PARD3B: variants seen among roughly 807,000 people sequenced by gnomAD.
PARD3B encodes the protein partitioning defective 3 homolog B.
PARD3B carries 103 observed loss-of-function variants against 130.2 expected under a neutral mutation model. That is an observed-to-expected ratio of 0.79 (90% CI 0.67 to 0.93). The LOEUF (loss-of-function observed/expected upper bound fraction) is 0.93. Among genes scored for constraint, PARD3B ranks in the 40% least tolerant of loss-of-function variants. The probability of loss-of-function intolerance (pLI) is 0.00; values close to 1 mark genes in which losing one functional copy is unlikely to be tolerated. For missense variants in PARD3B, 1,609 were observed against 1,499.2 expected, an observed-to-expected ratio of 1.07 and a Z score of -1.21; for synonymous variants, 583 against 553.2, an observed-to-expected ratio of 1.05 and a Z score of -0.76.
At chr2:204,947,217 G>A (rs890953540) in intron 2 of PARD3B, among the ~76,000 whole-genome samples, 1 of 152,140 alleles carries the variant, frequency 6.6e-6, no homozygotes, top group African/African-American at 2.4e-5. Context: ...ATGCCAAACA[G>A]TTGACTTAAG....
At chr2:205,459,511 T>A (rs193302499) in intron 20 of PARD3B, among the ~76,000 whole-genome samples, 6 of 152,290 alleles carry the variant, frequency 3.9e-5, no homozygotes, top group Admixed American at 3.9e-4. Context: ...TGGTACATGA[T>A]AGACACTTTT....
In PARD3B at chr2:205,015,224, A is replaced by G. The variant is rs746427063; in HGVS notation, c.395-32357A>G. ...AGCTAGAGGAAAGAAAAAATTATCAAGGAAATCATAAGGAAGACAAAATAT... is the reference window on the plus strand; with the variant it reads ...AGCTAGAGGAAAGAAAAAATTATCAGGGAAATCATAAGGAAGACAAAATAT... On this transcript the variant is annotated intron_variant, in intron 3 of 22. Transcript: ENST00000406610. This position sits in a 1 kb window ranked among gnomAD's most constrained non-coding sequence, Gnocchi z 4.5. Among the ~76,000 whole-genome samples the G allele has an allele frequency of 2.1e-4, 32 of 152,312 alleles. No homozygotes were observed. Among genetic ancestry groups the G allele is most frequent in the African/African-American group, 7.5e-4 (31 of 41,580 alleles).
Position 205,615,511 on chromosome 2 carries a change from A to C in PARD3B, c.3316A>C (p.Lys1106Gln). The change falls in exon 23 of 23, where the codon AAG becomes CAG. Residue 1106 changes from lysine (K) to glutamine (Q), a missense_variant. By Grantham distance (53) the Lys-to-Gln change is moderately conservative. Transcript: ENST00000406610. ...GCCAGCAGCACCTCGGGGGCTCTAC[A>C]AGGAAAGGGAGCTTCCCTATTATCC... Reference protein sequence around the residue: ...YLPAAPRGLYKERELPYYPGA... With the variant: ...YLPAAPRGLYQERELPYYPGA... 2 of 1,613,674 alleles carry C rather than the reference A, an allele frequency of 1.2e-6. No individual in the cohort carries two copies. Among genetic ancestry groups the C allele is most frequent in the Non-Finnish European group, 1.7e-6 (2 of 1,179,772 alleles).
intron 19 of PARD3B, among the ~76,000 whole-genome samples, chr2:205,437,500 A>G (rs2047558327): frequency 6.6e-6 from 1 of 152,190 alleles, no homozygotes; most frequent in South Asian, 2.1e-4. Flanking sequence ...GTGTTGTCCA[A>G]TATAGTAGTT....
At chr2:205,346,564 G>A (rs1574765554) in intron 18 of PARD3B, among the ~76,000 whole-genome samples, 1 of 152,268 alleles carries the variant, frequency 6.6e-6, no homozygotes, top group East Asian at 1.9e-4. Context: ...TGGGATTTAA[G>A]TTTTCTACCT....
At chr2:204,793,251 T>C (rs1334069910) in intron 2 of PARD3B, among the ~76,000 whole-genome samples, 1 of 152,204 alleles carries the variant, frequency 6.6e-6, no homozygotes, top group Non-Finnish European at 1.5e-5. Flanking sequence ...TAGAGGACTA[T>C]TTCCCAGTCC....
At chr2:204,884,682 C>G (rs534359183) in intron 2 of PARD3B, among the ~76,000 whole-genome samples, 1 of 152,170 alleles carries the variant, frequency 6.6e-6, no homozygotes, top group Non-Finnish European at 1.5e-5. Context: ...TCATTCAGCT[C>G]CCACTTGTAA....
At chr2:205,282,031 C>A (rs1045679447) in intron 16 of PARD3B, among the ~76,000 whole-genome samples, 1 of 151,978 alleles carries the variant, frequency 6.6e-6, no homozygotes, top group African/African-American at 2.4e-5. Context: ...TTTTTCAACA[C>A]TAGCCCTCTT....
intron 22 of PARD3B, among the ~76,000 whole-genome samples, chr2:205,597,731 A>G (rs1213696532): frequency 2.0e-5 from 3 of 152,160 alleles, no homozygotes; most frequent in African/African-American, 7.2e-5. Context: ...GTGTGAGTTA[A>G]GGGACAGGTC....
intron 2 of PARD3B, among the ~76,000 whole-genome samples, chr2:204,944,641 ATGT>A (rs1324604882): frequency 6.6e-6 from 1 of 152,242 alleles, no homozygotes; most frequent in Non-Finnish European, 1.5e-5. Flanking sequence ...ATTTAATCCA[ATGT>A]TGATATTTTA....
intron 2 of PARD3B, among the ~76,000 whole-genome samples, chr2:204,803,300 A>G (rs1391158915): frequency 6.6e-6 from 1 of 151,794 alleles, no homozygotes; most frequent in Non-Finnish European, 1.5e-5. Flanking sequence ...GTTTTTCAAT[A>G]TGAAATTAAA....
At position 204,661,251 on chromosome 2, in the gene PARD3B, C is replaced by T. The variant is rs191354869; in HGVS notation, c.121-24930C>T. Among the ~76,000 whole-genome samples, 6 of 152,294 alleles carry T rather than the reference C, an allele frequency of 3.9e-5. No homozygotes were observed. In the East Asian group the frequency reaches 9.6e-4, roughly 24 times the overall value. The stretch of plus-strand genomic sequence containing the variant: ...TGTCCCCAGGAAGATTACCCAGTGA[C>T]ATTCACAGTAAAGGTGAATAAATGT... On this transcript the variant is annotated intron_variant, in intron 1 of 22. Coordinates refer to ENST00000406610, the MANE Select transcript of PARD3B (RefSeq NM_001302769.2).
At chr2:204,828,843 T>G (rs1434645688) in intron 2 of PARD3B, among the ~76,000 whole-genome samples, 1 of 152,168 alleles carries the variant, frequency 6.6e-6, no homozygotes, top group African/African-American at 2.4e-5. Flanking sequence ...GTCTGCAGGG[T>G]CAAATTGAAA....
chr2:204,877,446 C>T (rs1228954125), intron 2 of PARD3B, among the ~76,000 whole-genome samples: 2 of 152,054 alleles, frequency 1.3e-5, no homozygotes, highest in Non-Finnish European at 2.9e-5. Flanking sequence ...TGGAAACTCA[C>T]ATAGAAGGAG....
Position 205,124,423 on chromosome 2 carries a change from C to T in PARD3B, c.1262C>T (p.Ala421Val). ...AAAAACATTTTACCAAAGGGAGCAG[C>T]AATAAAAGATGGCCGCCTACAATCA... is the stretch of plus-strand genomic sequence containing the variant. Reference protein sequence around the residue: ...FVKNILPKGAAIKDGRLQSGD... With the variant: ...FVKNILPKGAVIKDGRLQSGD... The change falls in exon 9 of 23, where the codon GCA (alanine) becomes GTA (valine). Residue 421 changes from alanine (A) to valine (V), a missense_variant. Transcript: ENST00000406610. 1 of 1,601,494 alleles carries T rather than the reference C, an allele frequency of 6.2e-7. No individual in the cohort carries two copies. Among genetic ancestry groups the T allele is most frequent in the Non-Finnish European group, 8.5e-7 (1 of 1,173,370 alleles).
intron 20 of PARD3B, among the ~76,000 whole-genome samples, chr2:205,485,907 G>A (rs1295440489): frequency 6.6e-6 from 1 of 152,058 alleles, no homozygotes; most frequent in Non-Finnish European, 1.5e-5. Flanking sequence ...GCTACTGCTG[G>A]AGTTCATCAT....
chr2:204,778,341 GA>G (rs367632403), intron 2 of PARD3B, among the ~76,000 whole-genome samples: 71 of 150,392 alleles, frequency 4.7e-4, no homozygotes, highest in African/African-American at 1.7e-3. Flanking sequence ...TATGTTTTAG[GA>G]AAAAAAAAGA....
intron 1 of PARD3B, among the ~76,000 whole-genome samples, chr2:204,636,167 G>A (rs1231073264): frequency 1.3e-5 from 2 of 152,080 alleles, no homozygotes; most frequent in South Asian, 4.2e-4. Flanking sequence ...TTTGTTTTTT[G>A]TCCATCAAAG....
intron 18 of PARD3B, among the ~76,000 whole-genome samples, chr2:205,379,077 T>C (rs980839205): frequency 3.3e-5 from 5 of 152,168 alleles, no homozygotes; most frequent in African/African-American, 9.6e-5. Context: ...AGAAAAAATA[T>C]AGAGGGGAGT....
Sources: gnomAD v4.1 joint callset for allele counts (sites outside exome capture counted in the v4.1 genomes callset) on GRCh38, gnomAD v4.1.1 for gene constraint, Gnocchi (gnomAD v3.1) non-coding constraint, MANE v1.5 for transcripts, NCBI Gene and HGNC (gene_info 2026-07-23, HGNC 2026-07-21) for gene names.